Variants in TNN observed in about 807,000 individuals in gnomAD.
The protein encoded by TNN is tenascin-N.
TNN carries 122 observed loss-of-function variants against 134.4 expected under a neutral mutation model. That is an observed-to-expected ratio of 0.91 (90% confidence interval 0.78 to 1.06). The LOEUF is 1.06. TNN is among the 50% of genes least tolerant of loss of function. TNN has a pLI of 0.00. For missense variants in TNN, 1,739 were observed against 1,699.4 expected (o/e 1.02, Z -0.41); for synonymous variants, 710 against 670.3 (o/e 1.06, Z -0.91).
chr1:175,135,311 A>G (rs1675770597), intron 15 of TNN, among the ~76,000 whole-genome samples: 1 of 152,232 alleles, frequency 6.6e-6, no homozygotes, highest in Non-Finnish European at 1.5e-5. Flanking sequence ...ACTATCTTGC[A>G]TATTGCCTAG....
At chr1:175,070,610 C>T (rs1647483728) in intron 1 of TNN, among the ~76,000 whole-genome samples, 1 of 152,206 alleles carries the variant, frequency 6.6e-6, no homozygotes, top group South Asian at 2.1e-4. Context: ...CTCTTCCATA[C>T]TTAGCTGTCT....
chr1:175,128,141 A>G lies in TNN; in HGVS notation c.3155A>G (p.Asn1052Ser). 1.2e-6 allele frequency: 2 copies of G among 1,610,802 alleles called. No individual in the cohort carries two copies. The highest frequency in any genetic ancestry group is 1.7e-6 in the Non-Finnish European group (2 of 1,178,318). The part of the protein sequence containing the change: ...VAFKGGRRSR[N>S]VSTTLSTVGA... ...TTTAAGGGTGGTCGCCGGAGCAGAA[A>G]TGTATCCACCACCCTCTCCACAGGT... is the stretch of plus-strand genomic sequence containing the variant. The change falls in exon 14 of 19, where the codon AAT (asparagine) becomes AGT (serine). Residue 1052 changes from asparagine (N) to serine (S), a missense_variant. Transcript: ENST00000239462.
At chr1:175,079,100 G>A (rs1674124275) in intron 2 of TNN, among the ~76,000 whole-genome samples, 1 of 152,182 alleles carries the variant, frequency 6.6e-6, no homozygotes, top group South Asian at 2.1e-4. Context: ...AGAAGGAGAC[G>A]TTTGCAGATG....
chr1:175,127,735 G>T (rs1327246054), intron 13 of TNN, among the ~76,000 whole-genome samples: 2 of 152,184 alleles, frequency 1.3e-5, no homozygotes, highest in African/African-American at 4.8e-5. Flanking sequence ...TAGAGCCCCT[G>T]TGTGTATCTG....
chr1:175,101,387 A>C (rs2149434107), intron 9 of TNN, among the ~76,000 whole-genome samples: 1 of 147,822 alleles, frequency 6.8e-6, no homozygotes, highest in South Asian at 2.2e-4. Context: ...GCGGTGTTAC[A>C]GCTCATAAAA....
intron 9 of TNN, among the ~76,000 whole-genome samples, chr1:175,109,099 T>TTTTTTTTTTTTTTTTTTTTG (rs1674950228): frequency 8.5e-6 from 1 of 117,768 alleles, no homozygotes. Flanking sequence ...TTTTTTTTTT[T>TTTTTTTTTTTTTTTTTTTTG]GAGACGGAGT....
intron 12 of TNN, 40 bp downstream of exon 12, chr1:175,123,703 A>G (rs747902443): frequency 6.2e-7 from 1 of 1,609,000 alleles, no homozygotes; most frequent in Non-Finnish European, 8.5e-7. Flanking sequence ...CCTCACACTT[A>G]TCAGGAGAGA....
intron 18 of TNN, among the ~76,000 whole-genome samples, chr1:175,146,470 C>A (rs775371900): frequency 6.6e-6 from 1 of 152,090 alleles, no homozygotes; most frequent in African/African-American, 2.4e-5. Context: ...TATTTGTTAC[C>A]CCAGAGCTAA....
chr1:175,136,978 A>G lies in TNN; in HGVS notation c.3585A>G (p.Arg1195=). The G allele has an allele frequency of 1.2e-6, 2 of 1,613,956 alleles. No homozygotes were observed. The highest frequency in any genetic ancestry group is 1.7e-6 in the Non-Finnish European group (2 of 1,179,912). The change falls in exon 17 of 19, where the codon AGA becomes AGG. Residue 1195 remains arginine, a synonymous_variant. Transcript: ENST00000239462. ...ATAAGCTGACAGTTGGGAAATACAG[A>G]GGCACGGCAGGTGAGAAAAAATGTT... ...ERYKLTVGKY[R]GTAGDALTYH...
At chr1:175,099,255 C>T (rs1472502848) in intron 9 of TNN, among the ~76,000 whole-genome samples, 3 of 152,210 alleles carry the variant, frequency 2.0e-5, no homozygotes, top group East Asian at 1.9e-4. Context: ...CACTGCTCTT[C>T]TAGCTTGCTG....
chr1:175,127,905 G>T, intron 13 of TNN, 127 bp from the exon 14 acceptor site: 1 of 1,164,892 alleles, frequency 8.6e-7, no homozygotes, highest in Non-Finnish European at 1.2e-6. Context: ...CTGAGGCTTC[G>T]GAGAGACAAA....
At chr1:175,099,070 A>T (rs192149243) in intron 9 of TNN, among the ~76,000 whole-genome samples, 6 of 152,294 alleles carry the variant, frequency 3.9e-5, no homozygotes, top group Admixed American at 1.3e-4. Context: ...AAAATAAAAT[A>T]TCTAGTCATT....
At chr1:175,107,443 A>C (rs1463836771) in intron 9 of TNN, among the ~76,000 whole-genome samples, 1 of 143,274 alleles carries the variant, frequency 7.0e-6, no homozygotes, top group African/African-American at 2.5e-5. Context: ...TGAGTGTTAC[A>C]GCTCTTAAGG....
chr1:175,097,339 CT>C (rs1574150894), intron 7 of TNN, 77 bp from the exon 8 acceptor site: 9 of 1,561,862 alleles, frequency 5.8e-6, no homozygotes, highest in Non-Finnish European at 7.9e-6. Flanking sequence ...GAGGTTATCA[CT>C]TTGACTGTGT....
chr1:175,134,745 A>G (rs1675755221), intron 15 of TNN, among the ~76,000 whole-genome samples: 1 of 151,712 alleles, frequency 6.6e-6, no homozygotes, highest in African/African-American at 2.4e-5. Context: ...TTTACCTTCT[A>G]TGCACTTCCA....
At position 175,089,384 on chromosome 1, in the gene TNN, A is replaced by G. The variant is rs149484519; in HGVS notation, c.1324+3890A>G. On this transcript the variant is annotated intron_variant, in intron 6 of 18. Coordinates refer to ENST00000239462, the MANE Select transcript of TNN (RefSeq NM_022093.2). The stretch of plus-strand genomic sequence containing the variant: ...CTCACCCTGTTACCCAACATGCTCA[A>G]AGTGCGCTGGAACACCTTCCAGAAA... Among the ~76,000 whole-genome samples the G allele has an allele frequency of 1.1e-3, 170 of 152,270 alleles. 1 individual carries two copies. Among genetic ancestry groups the G allele is most frequent in the African/African-American group, 3.9e-3 (164 of 41,554 alleles).
intron 17 of TNN, among the ~76,000 whole-genome samples, chr1:175,143,617 G>C (rs984835336): frequency 6.6e-6 from 1 of 152,012 alleles, no homozygotes; most frequent in Non-Finnish European, 1.5e-5. Flanking sequence ...GGGATGGTTG[G>C]GATTTGGACA....
chr1:175,132,039 G>T (rs111331538), intron 15 of TNN, among the ~76,000 whole-genome samples: 2,077 of 151,948 alleles, frequency 0.014, 56 homozygotes, highest in African/African-American at 0.047. Context: ...TGCATTCTAG[G>T]GGGGCAGGGT....
Position 175,128,112 on chromosome 1 carries a change from TGCCTTTAAGGGTGGTC to T in TNN, c.3130_3145del (p.Phe1044GlyfsTer89). 1 of 1,613,900 alleles carries T rather than the reference TGCCTTTAAGGGTGGTC, an allele frequency of 6.2e-7. No homozygotes were observed. Among genetic ancestry groups the T allele is most frequent in the Non-Finnish European group, 8.5e-7 (1 of 1,179,826 alleles). On this transcript the variant is annotated frameshift_variant, in exon 14 of 19. Coordinates refer to ENST00000239462, the MANE Select transcript of TNN (RefSeq NM_022093.2). LOFTEE classifies it high-confidence loss of function. ...GCGCCACCTACCCTGTCTCCCTTGT[TGCCTTTAAGGGTGGTC>T]GCCGGAGCAGAAATGTATCCACCAC... is the stretch of plus-strand genomic sequence containing the variant.
Sources: allele counts gnomAD v4.1 joint callset (sites outside exome capture counted in the v4.1 genomes callset), GRCh38; gene constraint gnomAD v4.1.1; transcripts MANE v1.5; gene names NCBI Gene and HGNC (gene_info 2026-07-23, HGNC 2026-07-21).